The following VAV3 variants were observed in gnomAD, a reference collection of about 807,000 sequenced individuals.
The protein encoded by VAV3 is guanine nucleotide exchange factor VAV3.
A neutral mutation model predicts 131.2 loss-of-function variants in VAV3; 94 were observed. The observed-to-expected ratio is 0.72, with a 90% confidence interval of 0.61 to 0.85. The LOEUF (loss-of-function observed/expected upper bound fraction) is 0.85. Ranked by LOEUF, VAV3 falls within the 40% of genes least tolerant of loss-of-function variation. The probability of loss-of-function intolerance (pLI) is 0.00; values close to 1 mark genes in which losing one functional copy is unlikely to be tolerated. For missense variants in VAV3, 939 were observed against 1,002.7 expected, an observed-to-expected ratio of 0.94 and a Z score of 0.86; for synonymous variants, 349 against 342.0, an observed-to-expected ratio of 1.02 and a Z score of -0.22.
At chr1:107,735,403 A>G (rs563083461) in intron 15 of VAV3, among the ~76,000 whole-genome samples, 1 of 152,224 alleles carries the variant, frequency 6.6e-6, no homozygotes, top group South Asian at 2.1e-4. Flanking sequence ...CCTTCAAAAA[A>G]TCAACGAATC....
intron 2 of VAV3, among the ~76,000 whole-genome samples, chr1:107,800,411 A>C (rs570163389): frequency 7.4e-4 from 113 of 152,202 alleles, no homozygotes; most frequent in Non-Finnish European, 1.3e-3. Flanking sequence ...ATGATGGTTC[A>C]TTGTGGTTTT....
intron 2 of VAV3, among the ~76,000 whole-genome samples, chr1:107,795,309 T>C (rs1397301712): frequency 6.6e-6 from 1 of 152,256 alleles, no homozygotes; most frequent in East Asian, 1.9e-4. Context: ...CTTTAAACCC[T>C]TGCCACAATG....
At chr1:107,957,484 T>C (rs1309536871) in intron 1 of VAV3, among the ~76,000 whole-genome samples, 1 of 152,178 alleles carries the variant, frequency 6.6e-6, no homozygotes, top group East Asian at 1.9e-4. Context: ...ACAGGCAGAC[T>C]GAGGCTGTCA....
At chr1:107,673,015 C>T (rs1325923199) in intron 19 of VAV3, among the ~76,000 whole-genome samples, 1 of 152,096 alleles carries the variant, frequency 6.6e-6, no homozygotes, top group Non-Finnish European at 1.5e-5. Flanking sequence ...TGCTTTGACC[C>T]AGATATTGTA....
intron 19 of VAV3, among the ~76,000 whole-genome samples, chr1:107,657,289 T>A (rs1389336350): frequency 2.0e-5 from 3 of 152,128 alleles, no homozygotes; most frequent in African/African-American, 7.2e-5. Flanking sequence ...AGACTTCAGC[T>A]TATGAAACAA....
Position 107,749,049 on chromosome 1 carries a change from G to C in VAV3, c.1421C>G (p.Thr474Ser), listed in dbSNP as rs746864641. Residue 474 changes from threonine (T) to serine (S), a missense_variant, in exon 15 of 27, where the codon ACC (threonine) becomes AGC (serine). Physicochemically the swap from Thr to Ser is moderately conservative, Grantham distance 58. Coordinates refer to ENST00000370056, the MANE Select transcript of VAV3 (RefSeq NM_006113.5). ...KWSYGFYLIH[T>S]QGQNGLEFYC... ...AAATTCTAACCCATTTTGTCCTTGG[G>C]TATGGATGAGGTAGAAGCCATAAGA... 6.2e-7 allele frequency: 1 copy of C among 1,610,664 alleles called. No homozygotes were observed. The highest frequency in any genetic ancestry group is 2.2e-5 in the East Asian group (1 of 44,698).
At position 107,580,173 on chromosome 1, in the gene VAV3, G is replaced by C. The variant is rs185797498; in HGVS notation, c.2351-5975C>G. On this transcript the variant is annotated intron_variant, in intron 25 of 26. Coordinates refer to ENST00000370056, the MANE Select transcript of VAV3 (RefSeq NM_006113.5). ...TGCTTCTGCATCCTCCACAGGATCAGGTCCAGTGCTAAGCAACTGAAGCTG... is the reference window on the plus strand; with the variant it reads ...TGCTTCTGCATCCTCCACAGGATCACGTCCAGTGCTAAGCAACTGAAGCTG... 2.1e-3 allele frequency among the ~76,000 whole-genome samples: 315 copies of C among 152,290 alleles called. 5 individuals carry two copies. Among genetic ancestry groups the C allele is most frequent in the Non-Finnish European group, 3.5e-4 (24 of 68,020 alleles).
intron 1 of VAV3, among the ~76,000 whole-genome samples, chr1:107,915,345 C>T (rs1423738789): frequency 6.6e-6 from 1 of 152,138 alleles, no homozygotes; most frequent in Non-Finnish European, 1.5e-5. Context: ...TTAATGCAAA[C>T]CCAAAAACAC....
chr1:107,795,783 T>C (rs998869458), intron 2 of VAV3, among the ~76,000 whole-genome samples: 1 of 152,214 alleles, frequency 6.6e-6, no homozygotes, highest in Non-Finnish European at 1.5e-5. Flanking sequence ...ATAAAGAATA[T>C]ATGAATCCTT....
At chr1:107,825,458 A>G (rs113210527) in intron 2 of VAV3, among the ~76,000 whole-genome samples, 6 of 144,292 alleles carry the variant, frequency 4.2e-5, no homozygotes, top group South Asian at 2.2e-4. Context: ...CCCTCGCGGG[A>G]AAAAAAAAAA....
chr1:107,573,442 G>A lies in VAV3; in HGVS notation c.2503-70C>T, dbSNP rs529658875. The A allele has an allele frequency of 1.2e-4, 194 of 1,587,746 alleles. No individual in the cohort carries two copies. The South Asian group carries it at 2.0e-3, about 16-fold the overall frequency. On this transcript the variant is annotated intron_variant, in intron 26 of 26. Transcript: ENST00000370056. The stretch of plus-strand genomic sequence containing the variant: ...GACACTTCAAAGGATTCTACAAACA[G>A]AGTATTTTGTTTTCATAACACCCCA...
chr1:107,818,745 T>C (rs1211887625), intron 2 of VAV3, among the ~76,000 whole-genome samples: 3 of 152,178 alleles, frequency 2.0e-5, no homozygotes, highest in Non-Finnish European at 4.4e-5. Flanking sequence ...TATAAACCAA[T>C]ATCATGTAGA....
Position 107,806,255 on chromosome 1 carries a change from T to C in VAV3, c.322-26763A>G, listed in dbSNP as rs1667055588. On this transcript the variant is annotated intron_variant, in intron 2 of 26. Transcript: ENST00000370056. ...CACCTCAATCTCACTTTTTCCAGTGTTAGAAACCATGAGTTGTGGAACATT... is the reference window on the plus strand; with the variant it reads ...CACCTCAATCTCACTTTTTCCAGTGCTAGAAACCATGAGTTGTGGAACATT... 2.6e-5 allele frequency among the ~76,000 whole-genome samples: 4 copies of C among 152,080 alleles called. No individual in the cohort carries two copies. In the South Asian group the frequency reaches 8.3e-4, roughly 32 times the overall value.
intron 2 of VAV3, among the ~76,000 whole-genome samples, chr1:107,873,869 C>G (rs939971458): frequency 6.6e-6 from 1 of 152,120 alleles, no homozygotes; most frequent in Non-Finnish European, 1.5e-5. Context: ...AGGGCCTTCC[C>G]CCACCCCAGG....
Position 107,687,791 on chromosome 1 carries a change from A to G in VAV3, c.1731+590T>C, listed in dbSNP as rs569849146. Among the ~76,000 whole-genome samples, 34 of 152,242 alleles carry G rather than the reference A, an allele frequency of 2.2e-4. No homozygotes were observed. In the South Asian group the frequency reaches 6.8e-3, roughly 31 times the overall value. On this transcript the variant is annotated intron_variant, in intron 18 of 26. Coordinates refer to ENST00000370056, the MANE Select transcript of VAV3 (RefSeq NM_006113.5). ...CCCATCATCTTCTGTATTTTTTTAAATAACTTTTTTTTGGATTTTTAAAGT... is the reference window on the plus strand; with the variant it reads ...CCCATCATCTTCTGTATTTTTTTAAGTAACTTTTTTTTGGATTTTTAAAGT...
chr1:107,928,890 C>T (rs969636859), intron 1 of VAV3, among the ~76,000 whole-genome samples: 2 of 151,712 alleles, frequency 1.3e-5, no homozygotes, highest in African/African-American at 4.8e-5. Flanking sequence ...TATCGATATC[C>T]AAGTATAATA....
chr1:107,593,281 G>A (rs1186659865), intron 25 of VAV3, among the ~76,000 whole-genome samples: 1 of 152,038 alleles, frequency 6.6e-6, no homozygotes, highest in Non-Finnish European at 1.5e-5. Context: ...AAAATAATTG[G>A]TAAACATTCT....
chr1:107,804,294 G>T (rs375379736), intron 2 of VAV3, among the ~76,000 whole-genome samples: 22 of 152,158 alleles, frequency 1.4e-4, no homozygotes, highest in African/African-American at 3.4e-4. Context: ...CTTGTTTTCT[G>T]GTTGCTTTGT....
chr1:107,857,718 G>T (rs182404835), intron 2 of VAV3, among the ~76,000 whole-genome samples: 2 of 152,120 alleles, frequency 1.3e-5, no homozygotes, highest in Non-Finnish European at 2.9e-5. Context: ...AGAATGAAAG[G>T]GGGGGAAGTT....
Sources: allele counts gnomAD v4.1 joint callset (sites outside exome capture counted in the v4.1 genomes callset), GRCh38; gene constraint gnomAD v4.1.1; transcripts MANE v1.5; gene names NCBI Gene and HGNC (gene_info 2026-07-23, HGNC 2026-07-21).